The following LSM14A variants were observed in gnomAD, a reference collection of about 807,000 sequenced individuals.
LSM14A encodes the protein protein LSM14 homolog A.
In LSM14A, 14 loss-of-function variants were observed where a neutral mutation model predicts 52.4. The ratio of observed to expected loss-of-function variants is 0.27; its 90% CI spans 0.18 to 0.42. The LOEUF (loss-of-function observed/expected upper bound fraction) is 0.42. Among genes scored for constraint, LSM14A ranks in the 10% least tolerant of loss-of-function variants. LSM14A has a pLI of 1.00. For missense variants in LSM14A, 417 were observed against 581.8 expected (o/e 0.72, Z 2.91); for synonymous variants, 185 against 200.3 (o/e 0.92, Z 0.64).
chr19:34,179,013 G>A (rs534159251), intron 1 of LSM14A, among the ~76,000 whole-genome samples: 2 of 152,294 alleles, frequency 1.3e-5, no homozygotes, highest in African/African-American at 4.8e-5. Context: ...CTATAAGTGA[G>A]TAGGATGCCT....
chr19:34,204,961 G>A (rs965528623), intron 3 of LSM14A, among the ~76,000 whole-genome samples: 2 of 151,136 alleles, frequency 1.3e-5, no homozygotes, highest in Non-Finnish European at 2.9e-5. Context: ...ATAAAAACTC[G>A]TCTCTATTAA....
chr19:34,194,513 C>T lies in LSM14A; in HGVS notation c.157C>T (p.Arg53Cys). 1.9e-6 allele frequency: 3 copies of T among 1,614,060 alleles called. No individual in the cohort carries two copies. Among genetic ancestry groups the T allele is most frequent in the Middle Eastern group, 1.6e-4 (1 of 6,062 alleles). Residue 53 changes from arginine to cysteine, a missense_variant, in exon 2 of 10, where the codon CGT (arginine) becomes TGT (cysteine). Physicochemically the swap from Arg to Cys is radical, Grantham distance 180 (BLOSUM62 -3). This residue lies in a region of LSM14A where 60 missense variants were observed against 124.8 expected (regional missense o/e 0.48). Transcript: ENST00000544216. ...TGGTACAGAAGACAGACCGACAGATCGTCCAATACCACCTCGAGATGAAGT... is the reference window on the plus strand; with the variant it reads ...TGGTACAGAAGACAGACCGACAGATTGTCCAATACCACCTCGAGATGAAGT... ...SFGTEDRPTD[R>C]PIPPRDEVFE...
chr19:34,206,294 C>T (rs926352201), intron 3 of LSM14A, among the ~76,000 whole-genome samples: 6 of 152,072 alleles, frequency 3.9e-5, no homozygotes, highest in Non-Finnish European at 5.9e-5. Context: ...TCTCTTGAGC[C>T]CAGGAGTTCA....
chr19:34,183,905 C>A (rs1278783046), intron 1 of LSM14A, among the ~76,000 whole-genome samples: 2 of 152,080 alleles, frequency 1.3e-5, no homozygotes, highest in Non-Finnish European at 2.9e-5. Context: ...TGTGCGGTCC[C>A]GTGAAAGTTG....
At chr19:34,184,318 G>A (rs756156196) in intron 1 of LSM14A, among the ~76,000 whole-genome samples, 1 of 152,096 alleles carries the variant, frequency 6.6e-6, no homozygotes, top group African/African-American at 2.4e-5. Flanking sequence ...CTTCCAAAGT[G>A]CTGGAATTAT....
chr19:34,224,055 G>A lies in LSM14A; in HGVS notation c.1368+2317G>A, dbSNP rs574253400. Reference sequence around the variant, plus strand: ...CTAACTGTTACAATCTCAGCTGGGCGTGGTGGCTCACACCTATAATCCCAG... The same window carrying A: ...CTAACTGTTACAATCTCAGCTGGGCATGGTGGCTCACACCTATAATCCCAG... On this transcript the variant is annotated intron_variant, in intron 9 of 9. Coordinates refer to ENST00000544216, the MANE Select transcript of LSM14A (RefSeq NM_015578.4). Among the ~76,000 whole-genome samples the A allele has an allele frequency of 7.9e-5, 12 of 152,266 alleles. No individual in the cohort carries two copies. The South Asian group carries it at 1.0e-3, about 13-fold the overall frequency.
At chr19:34,178,730 C>T (rs1159184762) in intron 1 of LSM14A, among the ~76,000 whole-genome samples, 1 of 152,162 alleles carries the variant, frequency 6.6e-6, no homozygotes, top group Non-Finnish European at 1.5e-5. Context: ...TAATGCTTTT[C>T]CATGTTCACA....
Position 34,196,717 on chromosome 19 carries a change from C to T in LSM14A, c.369C>T (p.Phe123=). 1 of 1,613,428 alleles carries T rather than the reference C, an allele frequency of 6.2e-7. No individual in the cohort carries two copies. Among genetic ancestry groups the T allele is most frequent in the South Asian group, 1.1e-5 (1 of 90,912 alleles). Residue 123 remains phenylalanine (F), a synonymous_variant, in exon 3 of 10, where the codon TTC becomes TTT. Transcript: ENST00000544216. ...PFGRMPTYSQ[F]SPSSLVGQQF... ...GCAGGATGCCCACATACAGTCAGTT[C>T]AGTCCGAGTTCCTTAGTTGGGCAGC...
Position 34,223,978 on chromosome 19 carries a change from G to C in LSM14A, c.1368+2240G>C, listed in dbSNP as rs113857600. On this transcript the variant is annotated intron_variant, in intron 9 of 9. Transcript: ENST00000544216. ...AACCTCTTCTGCAGTATCTCTTATA[G>C]GGGCTGGGAGCTTACTCTTCCCAAG... 2.4e-3 allele frequency among the ~76,000 whole-genome samples: 359 copies of C among 152,296 alleles called. 1 individual carries two copies. The highest frequency in any genetic ancestry group is 8.4e-3 in the African/African-American group (350 of 41,554).
At chr19:34,215,738 C>A in intron 6 of LSM14A, 77 bp downstream of exon 6, 2 of 1,062,594 alleles carry the variant, frequency 1.9e-6, no homozygotes, top group Non-Finnish European at 2.8e-6. Flanking sequence ...TACATAATTA[C>A]TATAAAAAAA....
intron 1 of LSM14A, among the ~76,000 whole-genome samples, chr19:34,187,000 G>C (rs1036368007): frequency 2.0e-5 from 3 of 151,846 alleles, no homozygotes; most frequent in Non-Finnish European, 4.4e-5. Flanking sequence ...AACTCTTTGG[G>C]AGTCCAAGGC....
intron 1 of LSM14A, among the ~76,000 whole-genome samples, chr19:34,174,270 C>T (rs1403011522): frequency 3.3e-5 from 5 of 152,184 alleles, no homozygotes; most frequent in African/African-American, 9.7e-5. Flanking sequence ...TTTTTAATAG[C>T]CCTGGTGTTG....
rs548374017 is a variant in LSM14A, at chr19:34,192,632, C to CA, written c.122-1811dup. ...GGCATGAGGCGCTGCATCAGTTCTG[C>CA]AAAAAAAAAAAAAAAAAAAAAAAAA... On this transcript the variant is annotated intron_variant, in intron 1 of 9. Transcript: ENST00000544216. Among the ~76,000 whole-genome samples, 717 of 76,844 alleles carry CA rather than the reference C, an allele frequency of 9.3e-3. 57 individuals are homozygous for CA. The highest frequency in any genetic ancestry group is 0.061 in the East Asian group (66 of 1,074). 50.4% of individuals were successfully genotyped at this position (76,844 alleles called of 152,430 possible).
At chr19:34,183,011 C>T (rs1033330068) in intron 1 of LSM14A, among the ~76,000 whole-genome samples, 10 of 152,024 alleles carry the variant, frequency 6.6e-5, no homozygotes, top group African/African-American at 2.4e-4. Context: ...TTTAATTCCT[C>T]ATGGATGCGT....
intron 1 of LSM14A, among the ~76,000 whole-genome samples, chr19:34,186,873 G>A (rs999152794): frequency 5.9e-5 from 9 of 151,966 alleles, no homozygotes; most frequent in African/African-American, 2.2e-4. Flanking sequence ...TCAAATTTTG[G>A]TATTCAACAG....
chr19:34,192,316 G>GGTTTTTTTTTTTTTTTTTTTTTTT (rs1341848304), intron 1 of LSM14A, among the ~76,000 whole-genome samples: 3 of 65,818 alleles, frequency 4.6e-5, no homozygotes, highest in Non-Finnish European at 8.7e-5. Flanking sequence ...CATTCTTTTT[G>GGTTTTTTTTTTTTTTTTTTTTTTT]TTGTTTTTTT....
chr19:34,203,795 C>A, intron 3 of LSM14A, among the ~76,000 whole-genome samples: 1 of 114,472 alleles, frequency 8.7e-6, no homozygotes, highest in Non-Finnish European at 1.9e-5. Context: ...AGAGCGAGAC[C>A]CTGTCTCAAA....
At position 34,229,149 on chromosome 19, in the gene LSM14A, G is replaced by A. The variant is rs774263459; in HGVS notation, c.*1761G>A. The A allele has an allele frequency of 3.9e-5, 6 of 152,122 alleles. No individual in the cohort carries two copies. The highest frequency in any genetic ancestry group is 1.4e-4 in the African/African-American group (6 of 41,414). 9.4% of individuals were successfully genotyped at this position (152,122 alleles called of 1,614,324 possible). On this transcript the variant is annotated 3_prime_UTR_variant, in exon 10 of 10. Transcript: ENST00000544216. Reference sequence around the variant, plus strand: ...TTGCTCTGAAATTATGAGTTTATGCGTTTTCCCAGCCCTCCGAATCACTGA... The same window carrying A: ...TTGCTCTGAAATTATGAGTTTATGCATTTTCCCAGCCCTCCGAATCACTGA...
intron 1 of LSM14A, among the ~76,000 whole-genome samples, chr19:34,189,648 A>C (rs1001126052): frequency 6.6e-6 from 1 of 152,182 alleles, no homozygotes; most frequent in African/African-American, 2.4e-5. Flanking sequence ...TGATTAGAAC[A>C]TAGTTCAGAT....
Sources: allele counts gnomAD v4.1 joint callset (sites outside exome capture counted in the v4.1 genomes callset), GRCh38; gene constraint gnomAD v4.1.1; regional missense constraint gnomAD v4.1.1; transcripts MANE v1.5; gene names NCBI Gene and HGNC (gene_info 2026-07-23, HGNC 2026-07-21).